The following CNTN5 variants were observed in gnomAD, a reference collection of about 807,000 sequenced individuals.
The protein encoded by CNTN5 is contactin-5.
A neutral mutation model predicts 129.1 loss-of-function variants in CNTN5; 77 were observed. The observed-to-expected ratio is 0.60, with a 90% CI of 0.50 to 0.72. The LOEUF (loss-of-function observed/expected upper bound fraction) is 0.72. Ranked by LOEUF, CNTN5 falls within the 30% of genes least tolerant of loss-of-function variation. The pLI is 0.00. For missense variants in CNTN5, 1,478 were observed against 1,328.8 expected (o/e 1.11, Z -1.75); for synonymous variants, 509 against 465.6 (o/e 1.09, Z -1.20).
intron 2 of CNTN5, among the ~76,000 whole-genome samples, chr11:99,547,008 T>TC (rs1948317528): frequency 1.3e-5 from 2 of 150,366 alleles, no homozygotes; most frequent in South Asian, 2.1e-4. Context: ...ATTTTCTTTT[T>TC]TTTTTTTTTT....
chr11:99,111,875 T>C (rs1857812964), intron 1 of CNTN5, among the ~76,000 whole-genome samples: 1 of 152,034 alleles, frequency 6.6e-6, no homozygotes, highest in African/African-American at 2.4e-5. Flanking sequence ...TGAATTAGCA[T>C]GACCCTAGTC....
chr11:99,528,330 C>A (rs947788474), intron 2 of CNTN5, among the ~76,000 whole-genome samples: 1 of 152,146 alleles, frequency 6.6e-6, no homozygotes, highest in Admixed American at 6.5e-5. Context: ...ATACTAATGA[C>A]AGTCACATAC....
intron 3 of CNTN5, among the ~76,000 whole-genome samples, chr11:99,637,010 C>CAAA (rs869133131): frequency 0.016 from 127 of 7,814 alleles, 17 homozygotes; most frequent in African/African-American, 0.03. Context: ...AACTTTGTCT[C>CAAA]AAAAAAAAAA....
intron 3 of CNTN5, among the ~76,000 whole-genome samples, chr11:99,574,534 A>T (rs1042413032): frequency 6.6e-6 from 1 of 152,142 alleles, no homozygotes; most frequent in African/African-American, 2.4e-5. Context: ...CAGTATAAAA[A>T]CTTTTCCTTA....
chr11:99,710,943 A>C (rs1170108601), intron 3 of CNTN5, among the ~76,000 whole-genome samples: 1 of 151,946 alleles, frequency 6.6e-6, no homozygotes, highest in Non-Finnish European at 1.5e-5. Flanking sequence ...CAGAATGCCC[A>C]ATTAAATTTG....
chr11:99,034,728 A>G (rs1565263919), intron 1 of CNTN5, among the ~76,000 whole-genome samples: 1 of 151,926 alleles, frequency 6.6e-6, no homozygotes, highest in Non-Finnish European at 1.5e-5. Flanking sequence ...CAGCTCCTGG[A>G]TTCATTAATT....
chr11:99,130,158 C>A (rs927049021), intron 1 of CNTN5, among the ~76,000 whole-genome samples: 8 of 151,898 alleles, frequency 5.3e-5, no homozygotes, highest in East Asian at 1.9e-4. Flanking sequence ...AATTAAAATA[C>A]AAAGAACGGC....
intron 1 of CNTN5, among the ~76,000 whole-genome samples, chr11:99,174,004 G>A: frequency 6.6e-6 from 1 of 151,150 alleles, no homozygotes; most frequent in African/African-American, 2.4e-5. Flanking sequence ...AATGCCTTTT[G>A]TGTGTGTGTG....
At chr11:99,551,119 T>C (rs867578666) in intron 2 of CNTN5, among the ~76,000 whole-genome samples, 2 of 152,304 alleles carry the variant, frequency 1.3e-5, no homozygotes, top group Admixed American at 6.5e-5. Context: ...TTGTATATGA[T>C]GCAACACAGG....
At chr11:100,266,309 C>A (rs555034345) in intron 17 of CNTN5, among the ~76,000 whole-genome samples, 1 of 152,138 alleles carries the variant, frequency 6.6e-6, no homozygotes, top group African/African-American at 2.4e-5. Flanking sequence ...ATAAGGTCTT[C>A]CACTGTCTTT....
At position 99,937,675 on chromosome 11, in the gene CNTN5, T is replaced by C. The variant is rs2136100254; in HGVS notation, c.674-19131T>C. On this transcript the variant is annotated intron_variant, in intron 7 of 24. Coordinates refer to ENST00000524871, the MANE Select transcript of CNTN5 (RefSeq NM_014361.4). ...CCACTTTAAATGTACTTGAGAACTTTGCTTTTCACTTAGGACATGAACTCT... is the reference window on the plus strand; with the variant it reads ...CCACTTTAAATGTACTTGAGAACTTCGCTTTTCACTTAGGACATGAACTCT... Among the ~76,000 whole-genome samples, 2 of 152,332 alleles carry C rather than the reference T, an allele frequency of 1.3e-5. 1 individual carries two copies. Among genetic ancestry groups the C allele is most frequent in the Middle Eastern group, 6.8e-3 (2 of 294 alleles).
chr11:99,329,037 T>C (rs1007756101), intron 2 of CNTN5, among the ~76,000 whole-genome samples: 3 of 152,236 alleles, frequency 2.0e-5, no homozygotes, highest in East Asian at 1.9e-4. Flanking sequence ...CTGCCAGTTA[T>C]GGTGGTGGGA....
At chr11:99,565,775 T>G (rs981415644) in intron 3 of CNTN5, among the ~76,000 whole-genome samples, 1 of 152,140 alleles carries the variant, frequency 6.6e-6, no homozygotes, top group Non-Finnish European at 1.5e-5. Context: ...TTTCCCCCCA[T>G]GCATGTTAGT....
chr11:99,121,141 T>TC (rs1565333694), intron 1 of CNTN5, among the ~76,000 whole-genome samples: 26 of 146,880 alleles, frequency 1.8e-4, no homozygotes, highest in South Asian at 4.4e-4. Context: ...CTTTCTTTTT[T>TC]TTTTTTTTTT....
At chr11:99,495,740 G>A (rs987533540) in intron 2 of CNTN5, among the ~76,000 whole-genome samples, 1 of 152,134 alleles carries the variant, frequency 6.6e-6, no homozygotes, top group Non-Finnish European at 1.5e-5. Context: ...ACGGAAGGGG[G>A]AGTGTTTTAA....
rs547781528 is a variant in CNTN5, at chr11:100,106,129, A to G, written c.1580+31835A>G. On this transcript the variant is annotated intron_variant, in intron 13 of 24. Coordinates refer to ENST00000524871, the MANE Select transcript of CNTN5 (RefSeq NM_014361.4). ...ACAAAGGGCGATTCAGGGACTGCAG[A>G]TGGTGCTGCTGTTATCTCTACATCA... Among the ~76,000 whole-genome samples, 18 of 152,252 alleles carry G rather than the reference A, an allele frequency of 1.2e-4. 1 individual carries two copies. In the South Asian group the frequency reaches 2.3e-3, roughly 19 times the overall value.
chr11:100,075,702 G>A (rs1944098174), intron 13 of CNTN5, among the ~76,000 whole-genome samples: 1 of 152,096 alleles, frequency 6.6e-6, no homozygotes, highest in Admixed American at 6.6e-5. Context: ...TGTCACATGA[G>A]ACAATTCAAG....
At chr11:99,699,891 C>A (rs1226342543) in intron 3 of CNTN5, among the ~76,000 whole-genome samples, 1 of 151,448 alleles carries the variant, frequency 6.6e-6, no homozygotes, top group African/African-American at 2.4e-5. Flanking sequence ...TTCACAATTA[C>A]TTGATTACAC....
At chr11:99,023,292 G>A (rs10892653) in intron 1 of CNTN5, among the ~76,000 whole-genome samples, 49,401 of 152,044 alleles carry the variant, frequency 0.32, 10,688 homozygotes, top group African/African-American at 0.59. Flanking sequence ...ATTAAGTAGC[G>A]CTATCTGTTA....
Sources: gnomAD v4.1 joint callset for allele counts (sites outside exome capture counted in the v4.1 genomes callset) on GRCh38, gnomAD v4.1.1 for gene constraint, MANE v1.5 for transcripts, NCBI Gene and HGNC (gene_info 2026-07-23, HGNC 2026-07-21) for gene names.